KLF12: variants seen among roughly 807,000 people sequenced by gnomAD.
KLF12 encodes the protein Krueppel-like factor 12.
KLF12 carries 9 observed loss-of-function variants against 37.8 expected under a neutral mutation model. That is an observed-to-expected ratio of 0.24 (90% confidence interval 0.14 to 0.42). The LOEUF (loss-of-function observed/expected upper bound fraction) is 0.42. Ranked by LOEUF, KLF12 falls within the 10% of genes least tolerant of loss-of-function variation. The pLI, the probability that KLF12 is intolerant of heterozygous loss-of-function variation, is 1.00. For missense variants in KLF12, 411 were observed against 516.0 expected (o/e 0.80, Z 1.97); for synonymous variants, 208 against 202.1 (o/e 1.03, Z -0.25).
chr13:74,034,043 G>A (rs779997044), intron 1 of KLF12, among the ~76,000 whole-genome samples: 4 of 151,282 alleles, frequency 2.6e-5, no homozygotes, highest in East Asian at 3.9e-4. Context: ...GGTCATTTAC[G>A]CATTCACTTT....
chr13:74,039,379 AAAAAATAGCCAGGCAAGT>A lies in KLF12; in HGVS notation c.-31-44344_-31-44327del, dbSNP rs560042018. Among the ~76,000 whole-genome samples, 787 of 152,178 alleles carry A rather than the reference AAAAAATAGCCAGGCAAGT, an allele frequency of 5.2e-3. 2 individuals carry two copies. The highest frequency in any genetic ancestry group is 0.018 in the African/African-American group (747 of 41,508). On this transcript the variant is annotated intron_variant, in intron 1 of 7. Coordinates refer to ENST00000377669, the MANE Select transcript of KLF12 (RefSeq NM_007249.5). ...AGCAAGACCCCATCTCTACCAAAAGAAAAAATAGCCAGGCAAGTTGGCATATGCCCGTAGTCCCAGCTA... is the reference window on the plus strand; with the variant it reads ...AGCAAGACCCCATCTCTACCAAAAGATGGCATATGCCCGTAGTCCCAGCTA...
At chr13:73,904,992 G>C (rs943846883) in intron 3 of KLF12, among the ~76,000 whole-genome samples, 3 of 151,346 alleles carry the variant, frequency 2.0e-5, no homozygotes, top group African/African-American at 7.3e-5. Flanking sequence ...CAGATGTCAT[G>C]GTAATTTCAA....
chr13:73,727,826 T>C (rs1395829786), intron 6 of KLF12, among the ~76,000 whole-genome samples: 4 of 152,056 alleles, frequency 2.6e-5, no homozygotes. Context: ...GTCTCCTGAG[T>C]ACCTGGGATT....
the KLF12 span, among the ~76,000 whole-genome samples, chr13:74,174,260 C>A: frequency 6.6e-6 from 1 of 151,810 alleles, no homozygotes; most frequent in African/African-American, 2.4e-5. Context: ...TCAAATTTAT[C>A]TGCTGCTGCT....
intron 1 of KLF12, among the ~76,000 whole-genome samples, chr13:74,012,432 G>A (rs933316949): frequency 3.3e-5 from 5 of 152,006 alleles, no homozygotes; most frequent in Non-Finnish European, 7.4e-5. Flanking sequence ...CCTGAAGCAG[G>A]GCTGCTTTTT....
intron 5 of KLF12, among the ~76,000 whole-genome samples, chr13:73,766,243 A>C (rs1258106830): frequency 6.6e-6 from 1 of 152,150 alleles, no homozygotes; most frequent in Admixed American, 6.5e-5. Flanking sequence ...GAACTGTCTC[A>C]TTCAAGCACG....
chr13:73,786,006 T>G (rs1399768357), intron 5 of KLF12, among the ~76,000 whole-genome samples: 2 of 152,122 alleles, frequency 1.3e-5, no homozygotes, highest in Admixed American at 1.3e-4. Flanking sequence ...AGCTTCTGTG[T>G]GCAAGCTAGC....
chr13:73,769,571 C>A (rs1404019816), intron 5 of KLF12, among the ~76,000 whole-genome samples: 1 of 152,160 alleles, frequency 6.6e-6, no homozygotes, highest in Non-Finnish European at 1.5e-5. Context: ...CTAAAAGAGG[C>A]TCCAACTGAG....
intron 2 of KLF12, among the ~76,000 whole-genome samples, chr13:73,990,092 A>T (rs983593767): frequency 5.9e-5 from 9 of 152,184 alleles, no homozygotes; most frequent in Admixed American, 1.3e-4. Flanking sequence ...ATAGTTTTTT[A>T]AAAAGTTCAA....
chr13:74,197,478 C>T, the KLF12 span, among the ~76,000 whole-genome samples: 3,123 of 152,030 alleles, frequency 0.021, 120 homozygotes, highest in African/African-American at 0.069. Flanking sequence ...ACACACACCC[C>T]ACACACTCAC....
intron 5 of KLF12, among the ~76,000 whole-genome samples, chr13:73,792,119 A>T (rs9573290): frequency 0.41 from 61,914 of 151,968 alleles, 13,398 homozygotes; most frequent in East Asian, 0.55. Context: ...GTAGGTTGAC[A>T]TCTTCAGTAA....
At chr13:73,715,274 C>T (rs1354663051) in intron 7 of KLF12, 94 bp downstream of exon 7, 3 of 1,039,302 alleles carry the variant, frequency 2.9e-6, no homozygotes, top group Non-Finnish European at 4.2e-6. Context: ...GAGAGGTACA[C>T]AGGATGAATG....
At chr13:73,937,575 T>TA (rs767419809) in intron 3 of KLF12, among the ~76,000 whole-genome samples, 40 of 129,322 alleles carry the variant, frequency 3.1e-4, no homozygotes, top group Non-Finnish European at 9.4e-5. Context: ...CTTGAACCAT[T>TA]ACAGCACCAT....
intron 3 of KLF12, among the ~76,000 whole-genome samples, chr13:73,886,267 A>G (rs898324618): frequency 1.3e-5 from 2 of 152,236 alleles, no homozygotes; most frequent in African/African-American, 4.8e-5. Flanking sequence ...GGTTTCGTAC[A>G]TGAGCATGGA....
intron 1 of KLF12, among the ~76,000 whole-genome samples, chr13:74,123,197 CATAAAA>C (rs1877738807): frequency 6.6e-6 from 1 of 151,792 alleles, no homozygotes; most frequent in African/African-American, 2.4e-5. Flanking sequence ...TGGTTGGAAA[CATAAAA>C]TGAAATGCGT....
chr13:74,291,241 A>G, the KLF12 span, among the ~76,000 whole-genome samples: 1,617 of 152,328 alleles, frequency 0.011, 30 homozygotes, highest in African/African-American at 0.035. Context: ...GCCTATAAAT[A>G]GGTTTGAAAA....
chr13:73,686,903 A>G lies in KLF12; in HGVS notation c.*8587T>C, dbSNP rs1302853632. On this transcript the variant is annotated 3_prime_UTR_variant, in exon 8 of 8. Coordinates refer to ENST00000377669, the MANE Select transcript of KLF12 (RefSeq NM_007249.5). ...GGAAAAGAAAAAAGATGCCTGCTTGATTTGGCCAAAGATGATATTTTTCTT... is the reference window on the plus strand; with the variant it reads ...GGAAAAGAAAAAAGATGCCTGCTTGGTTTGGCCAAAGATGATATTTTTCTT... The G allele has an allele frequency of 6.6e-6, 1 of 152,426 alleles. No homozygotes were observed. The highest frequency in any genetic ancestry group is 2.4e-5 in the African/African-American group (1 of 41,446). 9.4% of individuals were successfully genotyped at this position (152,426 alleles called of 1,614,324 possible). A position where few individuals can be genotyped will look rare whatever the true frequency, so the allele number is the denominator to read the frequency against.
chr13:74,200,077 A>G, the KLF12 span, among the ~76,000 whole-genome samples: 2 of 152,170 alleles, frequency 1.3e-5, no homozygotes, highest in Admixed American at 6.6e-5. Context: ...CGGCAGTGGG[A>G]GAAACACAAG....
At chr13:74,043,469 G>A (rs1349012248) in intron 1 of KLF12, among the ~76,000 whole-genome samples, 5 of 152,148 alleles carry the variant, frequency 3.3e-5, no homozygotes, top group Non-Finnish European at 5.9e-5. Context: ...ACATGTGTGC[G>A]TGCATGTTTC....
Sources: gnomAD v4.1 joint callset for allele counts (sites outside exome capture counted in the v4.1 genomes callset) on GRCh38, gnomAD v4.1.1 for gene constraint, MANE v1.5 for transcripts, NCBI Gene and HGNC (gene_info 2026-07-23, HGNC 2026-07-21) for gene names.